EFCC1: variants seen among roughly 807,000 people sequenced by gnomAD.
EFCC1 encodes EF-hand and coiled-coil domain containing 1, also known as EF-hand and coiled-coil domain-containing protein 1.
Under a neutral mutation model 52.1 loss-of-function variants are expected in EFCC1, and 50 were observed. That is an observed-to-expected ratio of 0.96 (90% CI 0.76 to 1.21). The LOEUF (loss-of-function observed/expected upper bound fraction) is 1.21. EFCC1 is among the 50% of genes most tolerant of loss of function. The probability of loss-of-function intolerance (pLI) is 0.00; values close to 1 mark genes in which losing one functional copy is unlikely to be tolerated. For missense variants in EFCC1, 837 were observed against 867.3 expected (o/e 0.97, Z 0.44); for synonymous variants, 399 against 396.5 (o/e 1.01, Z -0.08).
intron 1 of EFCC1, 125 bp from the exon 2 acceptor site, chr3:129,003,669 C>A: frequency 1.0e-6 from 1 of 975,656 alleles, no homozygotes; most frequent in Non-Finnish European, 1.3e-6. Context: ...CGGAAGCAGA[C>A]GGCGCAAGAA....
intron 2 of EFCC1, among the ~76,000 whole-genome samples, chr3:129,008,043 G>A (rs1189270818): frequency 6.6e-6 from 1 of 152,200 alleles, no homozygotes; most frequent in Non-Finnish European, 1.5e-5. Flanking sequence ...ATCCTTGAGA[G>A]TCACACATAG....
In EFCC1 at chr3:129,034,216, G is replaced by C. The variant is rs567338824; in HGVS notation, c.1339G>C (p.Gly447Arg). Residue 447 changes from glycine (G) to arginine (R), a missense_variant, in exon 5 of 8, where the codon GGT (glycine) becomes CGT (arginine). Coordinates refer to ENST00000683648, the MANE Select transcript of EFCC1 (RefSeq NM_001377500.1). ...CATGACTTACTTTGGTCACTTCGGC[G>C]GTGCCAACCATGCCCATACCCTGGG... is the stretch of plus-strand genomic sequence containing the variant. ...KLMTYFGHFGGANHAHTLGEL... is the reference protein window; with the variant it reads ...KLMTYFGHFGRANHAHTLGEL... 6.8e-6 allele frequency: 11 copies of C among 1,614,110 alleles called. No individual in the cohort carries two copies. Among genetic ancestry groups the C allele is most frequent in the Non-Finnish European group, 8.5e-6 (10 of 1,180,040 alleles).
intron 4 of EFCC1, among the ~76,000 whole-genome samples, chr3:129,033,892 G>C (rs1946320849): frequency 6.6e-6 from 1 of 152,246 alleles, no homozygotes; most frequent in Admixed American, 6.5e-5. Context: ...GAGGCATGTT[G>C]GCGGGACCGC....
At chr3:129,016,641 G>A (rs564563827) in intron 2 of EFCC1, among the ~76,000 whole-genome samples, 1 of 152,200 alleles carries the variant, frequency 6.6e-6, no homozygotes, top group Admixed American at 6.5e-5. Context: ...AAGCCCTGGA[G>A]ACAGAGCTAC....
intron 2 of EFCC1, among the ~76,000 whole-genome samples, chr3:129,025,981 C>A (rs1194248375): frequency 6.6e-6 from 1 of 152,220 alleles, no homozygotes; most frequent in East Asian, 1.9e-4. Context: ...TGGAGCCTCC[C>A]GCCTGAGTGC....
In EFCC1 at chr3:129,015,971, G is replaced by A. The variant is rs371591352; in HGVS notation, c.980+11894G>A. The stretch of plus-strand genomic sequence containing the variant: ...TGATGGCCCAAAGTAGCCTGGCTGG[G>A]TTCTGAGGGACCTGTCAGCTCTGCA... On this transcript the variant is annotated intron_variant, in intron 2 of 7. Transcript: ENST00000683648. Among the ~76,000 whole-genome samples, 39 of 152,342 alleles carry A rather than the reference G, an allele frequency of 2.6e-4. No individual in the cohort carries two copies. The South Asian group carries it at 7.9e-3, about 31-fold the overall frequency.
At chr3:129,007,783 T>C (rs1945138831) in intron 2 of EFCC1, among the ~76,000 whole-genome samples, 2 of 152,250 alleles carry the variant, frequency 1.3e-5, no homozygotes, top group South Asian at 2.1e-4. Context: ...CTATTGTTCA[T>C]GTTAGGGCTT....
Position 129,002,225 on chromosome 3 carries a change from C to G in EFCC1, c.597C>G (p.Arg199=). ...PGPDSGPDCE[R]VARLEEENSS... ...CCGACAGCGGTCCTGACTGTGAGCGCGTTGCGCGGCTGGAGGAGGAGAATA... is the reference window on the plus strand; with the variant it reads ...CCGACAGCGGTCCTGACTGTGAGCGGGTTGCGCGGCTGGAGGAGGAGAATA... Residue 199 remains arginine (R), a synonymous_variant, in exon 1 of 8, where the codon CGC becomes CGG. Transcript: ENST00000683648. The G allele has an allele frequency of 3.3e-6, 5 of 1,528,858 alleles. No individual in the cohort carries two copies. The highest frequency in any genetic ancestry group is 4.4e-6 in the Non-Finnish European group (5 of 1,143,476). The allele number at this position is 1,528,858 out of a possible 1,614,324, so 94.7% of individuals were successfully genotyped here. A position where few individuals can be genotyped will look rare whatever the true frequency, so the allele number is the denominator to read the frequency against.
intron 2 of EFCC1, among the ~76,000 whole-genome samples, chr3:129,028,088 T>A (rs951461685): frequency 5.9e-5 from 9 of 151,948 alleles, no homozygotes; most frequent in African/African-American, 2.2e-4. Flanking sequence ...ATTCTTTTTT[T>A]TTTTTTTCTT....
Position 129,004,024 on chromosome 3 carries a change from G to A in EFCC1, c.927G>A (p.Val309=). ...VRELEALAQQ[V]PGLQRWVRRL... ...AGCTGGAGGCGCTGGCGCAACAGGT[G>A]CCCGGCTTGCAGCGCTGGGTGCGGC... The change falls in exon 2 of 8, where the codon GTG becomes GTA. Residue 309 remains valine (V), a synonymous_variant. Transcript: ENST00000683648. The A allele has an allele frequency of 6.6e-7, 1 of 1,510,066 alleles. No homozygotes were observed. Among genetic ancestry groups the A allele is most frequent in the Non-Finnish European group, 8.8e-7 (1 of 1,136,302 alleles). 93.5% of individuals were successfully genotyped at this position (1,510,066 alleles called of 1,614,324 possible). A position where few individuals can be genotyped will look rare whatever the true frequency, so the allele number is the denominator to read the frequency against.
intron 4 of EFCC1, 21 bp downstream of exon 4, chr3:129,032,987 C>A: frequency 2.0e-6 from 3 of 1,511,464 alleles, no homozygotes; most frequent in Non-Finnish European, 2.7e-6. Context: ...CGTCCAGCGT[C>A]AGCCACTGTG....
intron 2 of EFCC1, among the ~76,000 whole-genome samples, chr3:129,006,547 C>G (rs1373632259): frequency 6.6e-6 from 1 of 152,210 alleles, no homozygotes; most frequent in Non-Finnish European, 1.5e-5. Context: ...AACACCTGAC[C>G]TCAGGTGATC....
intron 2 of EFCC1, among the ~76,000 whole-genome samples, chr3:129,015,669 G>T (rs1258200960): frequency 3.3e-5 from 5 of 152,154 alleles, no homozygotes; most frequent in African/African-American, 1.2e-4. Flanking sequence ...AGTAAAGTTG[G>T]GGGGGTTCCC....
chr3:129,027,249 C>CCGCGGGCGGCGGCGGTGCT (rs1202935982), intron 2 of EFCC1, among the ~76,000 whole-genome samples: 1 of 152,186 alleles, frequency 6.6e-6, no homozygotes, highest in Non-Finnish European at 1.5e-5. Context: ...CGGGGAGGCC[C>CCGCGGGCGGCGGCGGTGCT]CGCGGGCGGC....
At chr3:129,035,875 T>C (rs1335128122) in intron 5 of EFCC1, among the ~76,000 whole-genome samples, 1 of 152,218 alleles carries the variant, frequency 6.6e-6, no homozygotes, top group Non-Finnish European at 1.5e-5. Context: ...ACCTGTGAAA[T>C]GGGCATAATA....
At chr3:129,003,380 T>C in intron 1 of EFCC1, 1 of 740,344 alleles carries the variant, frequency 1.4e-6, no homozygotes, top group Non-Finnish European at 1.6e-6. Context: ...CAAAAGCCTC[T>C]AGTGAGCAGG....
intron 2 of EFCC1, among the ~76,000 whole-genome samples, chr3:129,020,056 A>G (rs1361760411): frequency 2.0e-5 from 3 of 152,206 alleles, no homozygotes; most frequent in African/African-American, 7.2e-5. Context: ...GGTATGAGCC[A>G]TCGCAACCAG....
intron 2 of EFCC1, among the ~76,000 whole-genome samples, chr3:129,019,989 G>A (rs976885091): frequency 2.0e-5 from 3 of 151,758 alleles, no homozygotes; most frequent in East Asian, 1.9e-4. Context: ...GGCTGGTCTC[G>A]AACTCCTGAC....
chr3:129,032,907 G>C lies in EFCC1; in HGVS notation c.1227G>C (p.Lys409Asn). The change falls in exon 4 of 8, where the codon AAG becomes AAC. Residue 409 changes from lysine to asparagine, a missense_variant. Physicochemically the swap from Lys to Asn is moderately conservative, Grantham distance 94 (BLOSUM62 0). Transcript: ENST00000683648. ...AGGAGGAGAGGTGGCAGGAGGAGAA[G>C]AAGACGCCGGCAGCCGAGGCCAAGA... is the stretch of plus-strand genomic sequence containing the variant. ...EVEEERWQEE[K>N]KTPAAEAKTL... is the part of the protein sequence containing the mutation. The C allele has an allele frequency of 6.4e-7, 1 of 1,551,204 alleles. No homozygotes were observed. The highest frequency in any genetic ancestry group is 8.7e-7 in the Non-Finnish European group (1 of 1,146,878).
Sources: allele counts gnomAD v4.1 joint callset (sites outside exome capture counted in the v4.1 genomes callset), GRCh38; gene constraint gnomAD v4.1.1; transcripts MANE v1.5; gene names NCBI Gene and HGNC (gene_info 2026-07-23, HGNC 2026-07-21).